The following ZNF208 variants were observed in gnomAD, a reference collection of about 807,000 sequenced individuals.
ZNF208 encodes zinc finger protein 95.
Under a neutral mutation model 12.1 loss-of-function variants are expected in ZNF208, and 10 were observed. The ratio of observed to expected loss-of-function variants is 0.83; its 90% CI spans 0.51 to 1.40. The LOEUF (loss-of-function observed/expected upper bound fraction) is 1.40, where lower values mean the gene tolerates loss of function less well. ZNF208 is among the 40% of genes most tolerant of loss of function. The pLI, the probability that ZNF208 is intolerant of heterozygous loss-of-function variation, is 0.00. For missense variants in ZNF208, 1,652 were observed against 1,485.0 expected (o/e 1.11, Z -1.85); for synonymous variants, 497 against 488.4 (o/e 1.02, Z -0.23).
chr19:21,960,761 G>T (rs1970052534), intron 4 of ZNF208, among the ~76,000 whole-genome samples: 1 of 152,170 alleles, frequency 6.6e-6, no homozygotes, highest in Non-Finnish European at 1.5e-5. Flanking sequence ...CACCATGATT[G>T]TAAGTTTCCT....
intron 3 of ZNF208, among the ~76,000 whole-genome samples, chr19:21,975,851 AGCTATCAAGTGAG>A (rs1970421430): frequency 7.8e-4 from 72 of 91,758 alleles, no homozygotes; most frequent in African/African-American, 1.8e-3. Flanking sequence ...AAAAAAAAAA[AGCTATCAAGTGAG>A]AATAATACCA....
At chr19:21,984,008 A>G (rs1970591270) in intron 3 of ZNF208, among the ~76,000 whole-genome samples, 1 of 152,302 alleles carries the variant, frequency 6.6e-6, no homozygotes, top group African/African-American at 2.4e-5. Flanking sequence ...ATTTAAAAAA[A>G]CAGAATATTA....
chr19:22,006,326 AGTTGGTACTTCCTCCT>A (rs2145587503), intron 1 of ZNF208, among the ~76,000 whole-genome samples: 1 of 152,124 alleles, frequency 6.6e-6, no homozygotes, highest in African/African-American at 2.4e-5. Flanking sequence ...AAGATCTTAT[AGTTGGTACTTCCTCCT>A]GTTGTAATAC....
At chr19:21,996,901 C>T (rs905066022) in intron 1 of ZNF208, among the ~76,000 whole-genome samples, 10 of 152,152 alleles carry the variant, frequency 6.6e-5, no homozygotes, top group African/African-American at 2.2e-4. Context: ...ATACCAAGTA[C>T]GTAGAGACAC....
intron 3 of ZNF208, among the ~76,000 whole-genome samples, chr19:21,983,730 T>C (rs1157225624): frequency 1.3e-5 from 2 of 152,106 alleles, no homozygotes; most frequent in Non-Finnish European, 2.9e-5. Context: ...GAAATCATCA[T>C]TCTCAGCAAA....
chr19:21,959,625 G>A (rs1014480607), intron 4 of ZNF208, among the ~76,000 whole-genome samples: 8 of 152,186 alleles, frequency 5.3e-5, no homozygotes, highest in South Asian at 2.1e-4. Flanking sequence ...AAGTGACTGC[G>A]GATTAAGCAG....
chr19:21,983,387 C>T lies in ZNF208; in HGVS notation c.226+3829G>A, dbSNP rs572289299. ...CTGGAGATGTGGAGAAGTAGAAAAGCTTTTACACTGCTGGTTGGAGTGTAA... is the reference window on the plus strand; with the variant it reads ...CTGGAGATGTGGAGAAGTAGAAAAGTTTTTACACTGCTGGTTGGAGTGTAA... On this transcript the variant is annotated intron_variant, in intron 3 of 3. Coordinates refer to ENST00000397126, the MANE Select transcript of ZNF208 (RefSeq NM_007153.3). Among the ~76,000 whole-genome samples, 3 of 152,136 alleles carry T rather than the reference C, an allele frequency of 2.0e-5. No individual in the cohort carries two copies. The East Asian group carries it at 5.8e-4, about 30-fold the overall frequency.
At chr19:21,958,262 G>C (rs926826178) in intron 4 of ZNF208, among the ~76,000 whole-genome samples, 2 of 151,884 alleles carry the variant, frequency 1.3e-5, no homozygotes, top group African/African-American at 4.8e-5. Context: ...TGTTTCAAAC[G>C]TTTTGATGAC....
chr19:22,006,629 AG>A (rs1477388396), intron 1 of ZNF208, among the ~76,000 whole-genome samples: 13 of 152,198 alleles, frequency 8.5e-5, no homozygotes, highest in African/African-American at 3.1e-4. Flanking sequence ...GGACATCTGC[AG>A]GAAAGGCTTT....
At chr19:21,977,426 G>A (rs1027747500) in intron 3 of ZNF208, among the ~76,000 whole-genome samples, 2 of 152,190 alleles carry the variant, frequency 1.3e-5, no homozygotes, top group Non-Finnish European at 2.9e-5. Flanking sequence ...CTCCCTGAGG[G>A]CAAGCCAAAG....
chr19:22,001,303 AAAC>A (rs869144197), intron 1 of ZNF208, among the ~76,000 whole-genome samples: 2 of 152,000 alleles, frequency 1.3e-5, no homozygotes, highest in Admixed American at 6.6e-5. Context: ...ACAAACAAAC[AAAC>A]AAAAAATCAA....
At chr19:21,961,150 G>A (rs142388863), downstream of ZNF208, among the ~76,000 whole-genome samples, 1,174 of 152,248 alleles carry the variant, frequency 7.7e-3, 9 homozygotes, top group African/African-American at 0.026. Flanking sequence ...TCTATTTTCT[G>A]TAAGTGTCAG....
At chr19:22,010,003 G>A (rs1455330919) in intron 1 of ZNF208, among the ~76,000 whole-genome samples, 1 of 152,084 alleles carries the variant, frequency 6.6e-6, no homozygotes, top group African/African-American at 2.4e-5. Flanking sequence ...GGCTAACATG[G>A]TGAAACCCTT....
intron 4 of ZNF208, among the ~76,000 whole-genome samples, chr19:21,956,999 T>C (rs1420960344): frequency 2.6e-5 from 4 of 152,204 alleles, no homozygotes; most frequent in Admixed American, 1.3e-4. Context: ...TCTTAACTTG[T>C]AGCAATATAG....
At chr19:21,990,644 C>T (rs1263241118) in intron 1 of ZNF208, among the ~76,000 whole-genome samples, 1 of 152,122 alleles carries the variant, frequency 6.6e-6, no homozygotes, top group Non-Finnish European at 1.5e-5. Context: ...TCATTGGTAG[C>T]TTGATGGAGA....
chr19:21,944,113 A>G (rs1969782928), intron 4 of ZNF208, among the ~76,000 whole-genome samples: 1 of 152,240 alleles, frequency 6.6e-6, no homozygotes, highest in Admixed American at 6.5e-5. Flanking sequence ...AAAAGGCACT[A>G]TTCAGTAGAT....
Position 21,998,893 on chromosome 19 carries a change from A to C in ZNF208, c.4-9984T>G, listed in dbSNP as rs1438387545. On this transcript the variant is annotated intron_variant, in intron 1 of 3. Transcript: ENST00000397126. ...GTGTTAATATAGTAGAATATATTAG[A>C]GCTTGCAACATAGCTAACTGGAGAG... The C allele has an allele frequency of 2.0e-5, 3 of 152,320 alleles. No homozygotes were observed. In the East Asian group the frequency reaches 5.8e-4, roughly 29 times the overall value. 9.4% of individuals were successfully genotyped at this position (152,320 alleles called of 1,614,324 possible). A position where few individuals can be genotyped will look rare whatever the true frequency, so the allele number is the denominator to read the frequency against.
chr19:21,955,218 C>T (rs777171839), intron 4 of ZNF208, among the ~76,000 whole-genome samples: 1 of 152,234 alleles, frequency 6.6e-6, no homozygotes, highest in Non-Finnish European at 1.5e-5. Context: ...GATGGGCTTC[C>T]ATTTGTGGGT....
At chr19:21,952,723 A>G (rs1489519995) in intron 4 of ZNF208, among the ~76,000 whole-genome samples, 2 of 152,240 alleles carry the variant, frequency 1.3e-5, no homozygotes, top group Admixed American at 1.3e-4. Flanking sequence ...AAACCAGAGT[A>G]GAAAAGCTGA....
Sources: allele counts gnomAD v4.1 joint callset (sites outside exome capture counted in the v4.1 genomes callset), GRCh38; gene constraint gnomAD v4.1.1; transcripts MANE v1.5; gene names NCBI Gene and HGNC (gene_info 2026-07-23, HGNC 2026-07-21).